The following RUNX1 variants were observed in gnomAD, a reference collection of about 807,000 sequenced individuals.
RUNX1 encodes the protein RUNX family transcription factor 1.
In RUNX1, 19 loss-of-function variants were observed where a neutral mutation model predicts 42.8. The ratio of observed to expected loss-of-function variants is 0.44; its 90% CI spans 0.31 to 0.65. The LOEUF is 0.65. Among genes scored for constraint, RUNX1 ranks in the 30% least tolerant of loss-of-function variants. The probability of loss-of-function intolerance (pLI) is 0.07; values close to 1 mark genes in which losing one functional copy is unlikely to be tolerated. For missense variants in RUNX1, 528 were observed against 672.0 expected, an observed-to-expected ratio of 0.79 and a Z score of 2.37; for synonymous variants, 271 against 289.4, an observed-to-expected ratio of 0.94 and a Z score of 0.64.
At chr21:34,993,692 G>GGC (rs1204867479) in intron 2 of RUNX1, among the ~76,000 whole-genome samples, 10 of 46,096 alleles carry the variant, frequency 2.2e-4, no homozygotes, top group Middle Eastern at 0.037. Context: ...CACACACACA[G>GGC]GCGCACACAC....
At chr21:34,821,224 A>G (rs1053360638) in intron 7 of RUNX1, 12 of 1,037,412 alleles carry the variant, frequency 1.2e-5, no homozygotes, top group Non-Finnish European at 1.4e-5. Flanking sequence ...ACCGATGGGT[A>G]CAACTAACTG....
chr21:34,936,679 C>T (rs891571242), intron 2 of RUNX1, among the ~76,000 whole-genome samples: 2 of 152,168 alleles, frequency 1.3e-5, no homozygotes, highest in Non-Finnish European at 2.9e-5. Flanking sequence ...ACAGATAGAA[C>T]GCTTAGCAGG....
intron 7 of RUNX1, among the ~76,000 whole-genome samples, chr21:34,829,691 T>C (rs549767036): frequency 6.6e-6 from 1 of 152,356 alleles, no homozygotes; most frequent in South Asian, 2.1e-4. Context: ...TAGATTCACA[T>C]ATGAGGATTT....
intron 2 of RUNX1, among the ~76,000 whole-genome samples, chr21:34,967,444 G>A (rs1043992813): frequency 4.7e-5 from 7 of 148,818 alleles, no homozygotes; most frequent in Non-Finnish European, 7.4e-5. Flanking sequence ...ACTGTGCCAC[G>A]TCAGTGTCAC....
At chr21:34,966,379 A>G (rs539313910) in intron 2 of RUNX1, among the ~76,000 whole-genome samples, 1 of 152,346 alleles carries the variant, frequency 6.6e-6, no homozygotes, top group Non-Finnish European at 1.5e-5. Context: ...TTACAATGCT[A>G]TGAGGTGGAT....
chr21:34,834,018 CGT>C (rs145016888), intron 7 of RUNX1: 5,665 of 330,744 alleles, frequency 0.017, no homozygotes, highest in South Asian at 0.027. Flanking sequence ...CTTTGCTTGA[CGT>C]GTGTGTGTGT....
chr21:34,847,111 C>T (rs184380965), intron 6 of RUNX1, among the ~76,000 whole-genome samples: 1 of 152,302 alleles, frequency 6.6e-6, no homozygotes, highest in African/African-American at 2.4e-5. Context: ...GTTCTGTGAG[C>T]ATTTCATTGA....
intron 6 of RUNX1, among the ~76,000 whole-genome samples, chr21:34,849,277 ATAAT>A (rs1287439717): frequency 1.5e-5 from 1 of 68,268 alleles, no homozygotes; most frequent in African/African-American, 5.6e-5. Flanking sequence ...TAATATATAT[ATAAT>A]ATATATTATA....
In RUNX1 at chr21:34,956,307, T is replaced by G. The variant is rs756679246; in HGVS notation, c.59-63344A>C. Among the ~76,000 whole-genome samples the G allele has an allele frequency of 5.9e-5, 9 of 152,312 alleles. No individual in the cohort carries two copies. In the South Asian group the frequency reaches 1.7e-3, roughly 28 times the overall value. ...ATACATTTTCTGGTTACAATAGTTT[T>G]GGTTGGCAGAATTTACCTGAAAATT... On this transcript the variant is annotated intron_variant, in intron 2 of 8. Coordinates refer to ENST00000675419, the MANE Select transcript of RUNX1 (RefSeq NM_001754.5).
chr21:34,795,267 C>T (rs1185794923), intron 8 of RUNX1, among the ~76,000 whole-genome samples: 2 of 152,304 alleles, frequency 1.3e-5, no homozygotes, highest in South Asian at 2.1e-4. Context: ...TGGAAGGCAG[C>T]GGCAGTTGAT....
At chr21:34,987,236 A>T (rs2058895000) in intron 2 of RUNX1, among the ~76,000 whole-genome samples, 1 of 152,250 alleles carries the variant, frequency 6.6e-6, no homozygotes, top group Admixed American at 6.5e-5. Flanking sequence ...GAAAGATTCA[A>T]TTAAATCTCG....
chr21:34,839,781 C>G (rs2057206197), intron 6 of RUNX1, among the ~76,000 whole-genome samples: 1 of 152,176 alleles, frequency 6.6e-6, no homozygotes, highest in South Asian at 2.1e-4. Flanking sequence ...CTGGGAATAT[C>G]TGCATGAGAG....
At chr21:34,859,704 C>T (rs1453773440) in intron 5 of RUNX1, 126 bp from the exon 6 acceptor site, 7 of 846,728 alleles carry the variant, frequency 8.3e-6, no homozygotes, top group Non-Finnish European at 1.2e-5. Context: ...GACAACACTC[C>T]CGGAATTTTG....
intron 2 of RUNX1, among the ~76,000 whole-genome samples, chr21:34,953,566 A>G (rs8133478): frequency 0.16 from 24,255 of 152,144 alleles, 3,869 homozygotes; most frequent in African/African-American, 0.41. Context: ...TTGATGACAT[A>G]GTGGAGCTGC....
At chr21:34,922,627 A>C (rs1345554191) in intron 2 of RUNX1, among the ~76,000 whole-genome samples, 2 of 152,160 alleles carry the variant, frequency 1.3e-5, no homozygotes, top group African/African-American at 4.8e-5. Flanking sequence ...GGGAATTTGG[A>C]GAACTGCAAG....
At chr21:34,910,152 T>C (rs142114136) in intron 2 of RUNX1, among the ~76,000 whole-genome samples, 43 of 152,342 alleles carry the variant, frequency 2.8e-4, no homozygotes, top group Middle Eastern at 3.4e-3. Flanking sequence ...TTCAGTGCTG[T>C]CTTCCCAGTG....
chr21:34,876,566 C>G (rs1601507910), intron 5 of RUNX1, among the ~76,000 whole-genome samples: 2 of 152,060 alleles, frequency 1.3e-5, no homozygotes, highest in Admixed American at 1.3e-4. Flanking sequence ...TGAACACGTG[C>G]ATTTTTTTTT....
chr21:35,041,223 A>G (rs2059356850), intron 2 of RUNX1, among the ~76,000 whole-genome samples: 1 of 152,252 alleles, frequency 6.6e-6, no homozygotes, highest in Admixed American at 6.5e-5. Context: ...GAATCTTTGC[A>G]AAATGTTGGA....
chr21:34,809,185 G>T (rs2056725194), intron 7 of RUNX1, among the ~76,000 whole-genome samples: 1 of 152,050 alleles, frequency 6.6e-6, no homozygotes, highest in Non-Finnish European at 1.5e-5. Context: ...AGCACATCAT[G>T]GATGTTTAGA....
Sources: gnomAD v4.1 joint callset for allele counts (sites outside exome capture counted in the v4.1 genomes callset) on GRCh38, gnomAD v4.1.1 for gene constraint, MANE v1.5 for transcripts, NCBI Gene and HGNC (gene_info 2026-07-23, HGNC 2026-07-21) for gene names.